The following FGF12 variants were observed in gnomAD, a reference collection of about 807,000 sequenced individuals.
FGF12 encodes the protein fibroblast growth factor 12.
Under a neutral mutation model 23.6 loss-of-function variants are expected in FGF12, and 14 were observed. The observed-to-expected ratio is 0.59, with a 90% CI of 0.39 to 0.93. The LOEUF is 0.93. Among genes scored for constraint, FGF12 ranks in the 40% least tolerant of loss-of-function variants. The pLI is 0.00. For synonymous variants in FGF12, 62 were observed against 77.3 expected, an observed-to-expected ratio of 0.80 and a Z score of 1.04; for missense variants, 175 against 217.8, an observed-to-expected ratio of 0.80 and a Z score of 1.24.
In FGF12 at chr3:192,408,276, C is replaced by T. The variant is rs1721049891; in HGVS notation, c.14-47738G>A. 4.0e-6 allele frequency: 6 copies of T among 1,506,868 alleles called. No individual in the cohort carries two copies. The highest frequency in any genetic ancestry group is 2.8e-5 in the African/African-American group (2 of 72,062). 93.3% of individuals were successfully genotyped at this position (1,506,868 alleles called of 1,614,324 possible). A position where few individuals can be genotyped will look rare whatever the true frequency, so the allele number is the denominator to read the frequency against. On this transcript the variant is annotated intron_variant, in intron 2 of 5. Coordinates refer to ENST00000445105, the MANE Select transcript of FGF12 (RefSeq NM_004113.6). The surrounding 1 kb of genome is among the most constrained non-coding windows in gnomAD (Gnocchi z 7.3). Reference sequence around the variant, plus strand: ...AGCCTCTACTGCGCCCTCCGGCTTGCGCTCCGCCGGGGCGAGGGCAGGACC... The same window carrying T: ...AGCCTCTACTGCGCCCTCCGGCTTGTGCTCCGCCGGGGCGAGGGCAGGACC...
At chr3:192,345,449 AGGCCG>A (rs1717909331) in intron 3 of FGF12, among the ~76,000 whole-genome samples, 2 of 103,396 alleles carry the variant, frequency 1.9e-5, no homozygotes, top group Non-Finnish European at 3.4e-5. Flanking sequence ...GCACTTTGGG[AGGCCG>A]AGGCGGGCGG....
intron 4 of FGF12, among the ~76,000 whole-genome samples, chr3:192,303,523 T>C (rs958538141): frequency 1.3e-5 from 2 of 152,186 alleles, no homozygotes; most frequent in Non-Finnish European, 2.9e-5. Flanking sequence ...GAAGACTGTA[T>C]AGTGCACAAG....
intron 2 of FGF12, among the ~76,000 whole-genome samples, chr3:192,466,850 C>T (rs1723025663): frequency 6.6e-6 from 1 of 152,146 alleles, no homozygotes; most frequent in Non-Finnish European, 1.5e-5. Context: ...CTCATTATAA[C>T]TAGTTCCCTC....
At chr3:192,683,279 G>C (rs2108709957) in intron 2 of FGF12, among the ~76,000 whole-genome samples, 1 of 152,278 alleles carries the variant, frequency 6.6e-6, no homozygotes. Context: ...TGCTAACTCT[G>C]AGCGGTTAGT....
At chr3:192,167,956 G>A (rs902982148) in intron 5 of FGF12, among the ~76,000 whole-genome samples, 1 of 150,682 alleles carries the variant, frequency 6.6e-6, no homozygotes, top group East Asian at 2.0e-4. Context: ...TAGTAGAGAC[G>A]GGGTTTCACC....
At chr3:192,403,148 T>C (rs561624812) in intron 2 of FGF12, among the ~76,000 whole-genome samples, 1 of 152,180 alleles carries the variant, frequency 6.6e-6, no homozygotes, top group Non-Finnish European at 1.5e-5. Flanking sequence ...TCACCAAGAA[T>C]AAAAGCAATG....
intron 2 of FGF12, among the ~76,000 whole-genome samples, chr3:192,555,723 G>A (rs372099574): frequency 5.3e-5 from 8 of 151,250 alleles, no homozygotes; most frequent in Admixed American, 2.0e-4. Flanking sequence ...GCTTGAACCC[G>A]GGAGGTGGAG....
intron 2 of FGF12, among the ~76,000 whole-genome samples, chr3:192,516,117 T>C (rs1312379342): frequency 6.8e-6 from 1 of 147,422 alleles, no homozygotes; most frequent in Non-Finnish European, 1.5e-5. Context: ...AGATAGCATC[T>C]GTCTCACACA....
chr3:192,601,203 G>A (rs1305255205), intron 2 of FGF12, among the ~76,000 whole-genome samples: 1 of 152,132 alleles, frequency 6.6e-6, no homozygotes, highest in Non-Finnish European at 1.5e-5. Flanking sequence ...GGAATAGAAA[G>A]TTAAAGTTCT....
chr3:192,198,091 T>A (rs1717171661), intron 4 of FGF12, among the ~76,000 whole-genome samples: 1 of 151,864 alleles, frequency 6.6e-6, no homozygotes, highest in Admixed American at 6.6e-5. Flanking sequence ...TTTGTACAAA[T>A]TTTGAATAAA....
chr3:192,380,223 T>TA (rs1719757906), intron 2 of FGF12, among the ~76,000 whole-genome samples: 1 of 152,216 alleles, frequency 6.6e-6, no homozygotes, highest in African/African-American at 2.4e-5. Flanking sequence ...CATTAAGAAT[T>TA]ACAATTTACT....
chr3:192,406,428 G>C (rs895525680), intron 2 of FGF12, among the ~76,000 whole-genome samples: 1 of 152,006 alleles, frequency 6.6e-6, no homozygotes, highest in Non-Finnish European at 1.5e-5. Flanking sequence ...TCAGAACCTT[G>C]AAGTCCTCTG....
At chr3:192,295,262 C>T (rs1035067465) in intron 4 of FGF12, among the ~76,000 whole-genome samples, 10 of 152,230 alleles carry the variant, frequency 6.6e-5, no homozygotes, top group South Asian at 2.1e-4. Flanking sequence ...ATTGGATTTC[C>T]GCACTCCCAG....
At chr3:192,596,111 A>ATATAATATAC (rs1713835008) in intron 2 of FGF12, among the ~76,000 whole-genome samples, 1 of 146,322 alleles carries the variant, frequency 6.8e-6, no homozygotes, top group South Asian at 2.1e-4. Flanking sequence ...ATATAATATA[A>ATATAATATAC]TATAATATAA....
At chr3:192,512,838 A>AAATATATATC (rs1724525109) in intron 2 of FGF12, among the ~76,000 whole-genome samples, 1 of 113,106 alleles carries the variant, frequency 8.8e-6, no homozygotes, top group East Asian at 2.3e-4. Context: ...TCAAATAAAT[A>AAATATATATC]TATATATATA....
intron 2 of FGF12, among the ~76,000 whole-genome samples, chr3:192,622,722 G>A (rs1715017570): frequency 1.3e-5 from 2 of 152,132 alleles, no homozygotes; most frequent in African/African-American, 2.4e-5. Flanking sequence ...GAAACACCTT[G>A]TACCCACAAA....
chr3:192,359,957 A>G (rs1303268773), intron 3 of FGF12, among the ~76,000 whole-genome samples: 2 of 151,638 alleles, frequency 1.3e-5, no homozygotes, highest in African/African-American at 2.4e-5. Flanking sequence ...ATATATATAT[A>G]TATACATACA....
intron 2 of FGF12, among the ~76,000 whole-genome samples, chr3:192,533,039 A>G (rs926083254): frequency 3.0e-4 from 45 of 152,288 alleles, no homozygotes; most frequent in African/African-American, 1.1e-3. Context: ...ACACCATCTT[A>G]CTCAGAGTTT....
chr3:192,517,906 T>C (rs568558727), intron 2 of FGF12, among the ~76,000 whole-genome samples: 2 of 152,288 alleles, frequency 1.3e-5, no homozygotes, highest in East Asian at 3.9e-4. Context: ...CTTTCTGAAG[T>C]ATCTTGAGCA....
Sources: allele counts gnomAD v4.1 joint callset (sites outside exome capture counted in the v4.1 genomes callset), GRCh38; gene constraint gnomAD v4.1.1; non-coding constraint Gnocchi (gnomAD v3.1); transcripts MANE v1.5; gene names NCBI Gene and HGNC (gene_info 2026-07-23, HGNC 2026-07-21).